The following SORL1 variants were observed in gnomAD, a reference collection of about 807,000 sequenced individuals.
SORL1 encodes sortilin-related receptor.
SORL1 carries 127 observed loss-of-function variants against 273.7 expected under a neutral mutation model. That is an observed-to-expected ratio of 0.46 (90% CI 0.40 to 0.54). The LOEUF (loss-of-function observed/expected upper bound fraction) is 0.54. Among genes scored for constraint, SORL1 ranks in the 20% least tolerant of loss-of-function variants. The pLI is 0.00. For missense variants in SORL1, 2,494 were observed against 2,846.1 expected, an observed-to-expected ratio of 0.88 and a Z score of 2.81; for synonymous variants, 1,031 against 1,067.4, an observed-to-expected ratio of 0.97 and a Z score of 0.66.
intron 11 of SORL1, among the ~76,000 whole-genome samples, chr11:121,523,301 G>A (rs2134859232): frequency 6.6e-6 from 1 of 152,302 alleles, no homozygotes; most frequent in Non-Finnish European, 1.5e-5. Flanking sequence ...CTGGCATGGA[G>A]TGGGGGCTCA....
intron 11 of SORL1, among the ~76,000 whole-genome samples, chr11:121,529,103 T>C (rs1862164428): frequency 6.6e-6 from 1 of 152,226 alleles, no homozygotes; most frequent in African/African-American, 2.4e-5. Context: ...TCATGAATTG[T>C]CCCTTTTATC....
intron 4 of SORL1, among the ~76,000 whole-genome samples, chr11:121,489,115 G>C (rs1301061181): frequency 6.6e-6 from 1 of 152,136 alleles, no homozygotes; most frequent in Admixed American, 6.5e-5. Flanking sequence ...TGCCACAGCC[G>C]TGTATTCAGT....
chr11:121,520,769 A>G lies in SORL1; in HGVS notation c.1324A>G (p.Ile442Val). The change falls in exon 9 of 48, where the codon ATC becomes GTC. Residue 442 changes from isoleucine to valine, a missense_variant. This residue lies in a region of SORL1 where 710 missense variants were observed against 882.5 expected (regional missense o/e 0.80). Transcript: ENST00000260197. ...GAATGAGGAGAACATGAGATCGGTC[A>G]TCACCTTTGACAAAGGGGGAACCTG... ...SMNEENMRSV[I>V]TFDKGGTWEF... 6.2e-7 allele frequency: 1 copy of G among 1,613,182 alleles called. No individual in the cohort carries two copies.
intron 1 of SORL1, among the ~76,000 whole-genome samples, chr11:121,456,516 G>T (rs766231136): frequency 6.6e-6 from 1 of 152,192 alleles, no homozygotes; most frequent in Admixed American, 6.5e-5. Context: ...AAAATGAGAT[G>T]GCTCATTCGG....
At chr11:121,502,446 T>A (rs148843156) in intron 6 of SORL1, among the ~76,000 whole-genome samples, 1 of 152,268 alleles carries the variant, frequency 6.6e-6, no homozygotes, top group African/African-American at 2.4e-5. Flanking sequence ...GACAATTCTA[T>A]GTTTAACTTT....
At chr11:121,476,732 C>A (rs1224133571) in intron 2 of SORL1, among the ~76,000 whole-genome samples, 2 of 130,502 alleles carry the variant, frequency 1.5e-5, no homozygotes, top group Non-Finnish European at 3.3e-5. Context: ...CCCTTCTCCT[C>A]CCTCCCTTCC....
chr11:121,605,068 GC>G (rs773106398), intron 33 of SORL1, 44 bp from the exon 34 acceptor site: 1 of 1,568,766 alleles, frequency 6.4e-7, no homozygotes. Flanking sequence ...ACCACGCCCA[GC>G]CAAGATGTAA....
At chr11:121,543,871 A>T in intron 13 of SORL1, 145 bp downstream of exon 13, 1 of 675,088 alleles carries the variant, frequency 1.5e-6, no homozygotes, top group Non-Finnish European at 2.4e-6. Context: ...CAAAAAGCAT[A>T]GGGAGGTAAT....
chr11:121,576,762 A>C, intron 24 of SORL1: 1 of 1,474,330 alleles, frequency 6.8e-7, no homozygotes, highest in Non-Finnish European at 8.9e-7. Flanking sequence ...CTCTGCCCAC[A>C]GAAAGTCCCG....
chr11:121,632,997 G>A lies in SORL1; in HGVS notation c.*3434G>A, dbSNP rs1863895262. ...AACTCTGTGCAGAATCTTGTGTTGG[G>A]ATTGTATCTTGACATTCCTGTTGTG... On this transcript the variant is annotated 3_prime_UTR_variant, in exon 48 of 48. Coordinates refer to ENST00000260197, the MANE Select transcript of SORL1 (RefSeq NM_003105.6). The A allele has an allele frequency of 6.6e-6, 1 of 152,154 alleles. No individual in the cohort carries two copies. The highest frequency in any genetic ancestry group is 1.5e-5 in the Non-Finnish European group (1 of 68,024). The allele number at this position is 152,154 out of a possible 1,614,324, so 9.4% of individuals were successfully genotyped here. A position where few individuals can be genotyped will look rare whatever the true frequency, so the allele number is the denominator to read the frequency against.
chr11:121,548,924 G>A (rs1035847852), intron 14 of SORL1, among the ~76,000 whole-genome samples: 5 of 152,164 alleles, frequency 3.3e-5, no homozygotes, highest in African/African-American at 7.2e-5. Flanking sequence ...GCACATGAAC[G>A]TGGAATATAT....
At chr11:121,535,995 A>G (rs777796162) in intron 12 of SORL1, among the ~76,000 whole-genome samples, 1 of 152,168 alleles carries the variant, frequency 6.6e-6, no homozygotes, top group African/African-American at 2.4e-5. Context: ...GGGCTGTTGC[A>G]TTTTTGCACC....
At position 121,596,790 on chromosome 11, in the gene SORL1, C is replaced by A. The variant is rs370191354; in HGVS notation, c.4519+1018C>A. Reference sequence around the variant, plus strand: ...CCAAGCCCTAACCCTAAGCAGCAAACGCCTCAGTTCCTCCACTTTGATCCC... The same window carrying A: ...CCAAGCCCTAACCCTAAGCAGCAAAAGCCTCAGTTCCTCCACTTTGATCCC... On this transcript the variant is annotated intron_variant, in intron 32 of 47. Transcript: ENST00000260197. The surrounding 1 kb of genome is among the most constrained non-coding windows in gnomAD (Gnocchi z 4.3). Among the ~76,000 whole-genome samples, 2 of 152,268 alleles carry A rather than the reference C, an allele frequency of 1.3e-5. No homozygotes were observed. The highest frequency in any genetic ancestry group is 3.9e-4 in the East Asian group (2 of 5,176).
At chr11:121,626,857 G>C (rs1277317061) in intron 46 of SORL1, 1 of 152,272 alleles carries the variant, frequency 6.6e-6, no homozygotes, top group South Asian at 2.1e-4. Context: ...CTTTGCCCTA[G>C]AGCCCTGGTG....
rs1486238058 is a variant in SORL1 at position 121,554,369 on chromosome 11, G to T, written c.2439+260G>T. ...AGTGAGGTCTTGCTTTTCCTGCTGG[G>T]AAGGTGTTGGGACTAGTAATGTAGG... is the stretch of plus-strand genomic sequence containing the variant. On this transcript the variant is annotated intron_variant, in intron 17 of 47. Coordinates refer to ENST00000260197, the MANE Select transcript of SORL1 (RefSeq NM_003105.6). The surrounding 1 kb of genome is among the most constrained non-coding windows in gnomAD (Gnocchi z 4.6). Among the ~76,000 whole-genome samples, 1 of 152,162 alleles carries T rather than the reference G, an allele frequency of 6.6e-6. No homozygotes were observed. Among genetic ancestry groups the T allele is most frequent in the Non-Finnish European group, 1.5e-5 (1 of 68,020 alleles).
At chr11:121,621,712 G>A (rs185418862) in intron 44 of SORL1, among the ~76,000 whole-genome samples, 172 of 152,312 alleles carry the variant, frequency 1.1e-3, no homozygotes, top group Non-Finnish European at 9.7e-4. Context: ...AGTAAGCTCC[G>A]TTGCTCAGAC....
At chr11:121,486,617 T>C (rs1436611267) in intron 3 of SORL1, among the ~76,000 whole-genome samples, 2 of 151,834 alleles carry the variant, frequency 1.3e-5, no homozygotes, top group East Asian at 1.9e-4. Flanking sequence ...GTAGCTGGGA[T>C]TACAGGCCCC....
At chr11:121,620,000 G>A in intron 43 of SORL1, 83 bp downstream of exon 43, 3 of 1,124,988 alleles carry the variant, frequency 2.7e-6, no homozygotes, top group Non-Finnish European at 4.0e-6. Context: ...TCCTCTAATG[G>A]GGCAAGAAAC....
chr11:121,567,786 A>T (rs747743875), intron 22 of SORL1, among the ~76,000 whole-genome samples: 21 of 152,170 alleles, frequency 1.4e-4, no homozygotes, highest in Non-Finnish European at 2.9e-4. Flanking sequence ...CTCCAGCATC[A>T]CGTTTCTGTG....
Sources: allele counts gnomAD v4.1 joint callset (sites outside exome capture counted in the v4.1 genomes callset), GRCh38; gene constraint gnomAD v4.1.1; regional missense constraint gnomAD v4.1.1; non-coding constraint Gnocchi (gnomAD v3.1); transcripts MANE v1.5; gene names NCBI Gene and HGNC (gene_info 2026-07-23, HGNC 2026-07-21).